Variants in PHKA1 observed in about 807,000 individuals in gnomAD.
PHKA1 encodes the protein phosphorylase b kinase regulatory subunit alpha, skeletal muscle isoform.
PHKA1 carries 60 observed loss-of-function variants against 110.2 expected under a neutral mutation model. That is an observed-to-expected ratio of 0.54 (90% CI 0.44 to 0.68). The LOEUF (loss-of-function observed/expected upper bound fraction) is 0.68. Among genes scored for constraint, PHKA1 ranks in the 30% least tolerant of loss-of-function variants. The pLI, the probability that PHKA1 is intolerant of heterozygous loss-of-function variation, is 0.00. For missense variants in PHKA1, 801 were observed against 942.5 expected (o/e 0.85, Z 1.97); for synonymous variants, 316 against 333.6 (o/e 0.95, Z 0.58).
intron 10 of PHKA1, among the ~76,000 whole-genome samples, chrX:72,654,143 A>T (rs782638292): frequency 1.5e-4 from 17 of 111,906 alleles, no homozygotes; most frequent in Admixed American, 1.0e-3. Flanking sequence ...TTAGGGAAAA[A>T]TTTGAGTATA....
At chrX:72,690,658 C>A (rs920299665) in intron 4 of PHKA1, among the ~76,000 whole-genome samples, 2 of 112,450 alleles carry the variant, frequency 1.8e-5, no homozygotes, top group Non-Finnish European at 3.8e-5. Context: ...GTTGTTTAAG[C>A]CACCTATTCT....
intron 26 of PHKA1, 95 bp from the exon 27 acceptor site, chrX:72,602,368 A>T: frequency 1.8e-6 from 1 of 545,662 alleles, no homozygotes; most frequent in South Asian, 2.6e-5. Flanking sequence ...ATATATCCTT[A>T]TTTTTAACTT....
chrX:72,584,004 C>T (rs2052376556), intron 30 of PHKA1, among the ~76,000 whole-genome samples: 1 of 112,429 alleles, frequency 8.9e-6, no homozygotes, highest in African/African-American at 3.2e-5. Flanking sequence ...CTAACCCTCA[C>T]AACGCTCACA....
Position 72,611,012 on chromosome X carries a change from C to A in PHKA1, c.2526+16G>T. The A allele has an allele frequency of 2.5e-6, 3 of 1,179,518 alleles. No homozygotes were observed. The highest frequency in any genetic ancestry group is 3.5e-6 in the Non-Finnish European group (3 of 867,684). On this transcript the variant is annotated intron_variant, in intron 22 of 31. Transcript: ENST00000373542. ...CGCTTATTTAGATTTGGTATAAATT[C>A]AAGAATTTATAGTACCTCATCAAGT...
intron 17 of PHKA1, among the ~76,000 whole-genome samples, chrX:72,626,496 A>G (rs969009718): frequency 1.4e-4 from 16 of 111,037 alleles, no homozygotes; most frequent in Non-Finnish European, 3.0e-4. Flanking sequence ...CCTTGATTCA[A>G]TCTATCAAAC....
At position 72,589,883 on chromosome X, in the gene PHKA1, C is replaced by G. The variant is rs2052492353; in HGVS notation, c.3243+3221G>C. On this transcript the variant is annotated intron_variant, in intron 29 of 31. Transcript: ENST00000373542. ...AACGTACAAGGGATGTGAAGGACCTCTTCAAGGAGAACTACAAACCACTGC... is the reference window on the plus strand; with the variant it reads ...AACGTACAAGGGATGTGAAGGACCTGTTCAAGGAGAACTACAAACCACTGC... Among the ~76,000 whole-genome samples, 5 of 110,705 alleles carry G rather than the reference C, an allele frequency of 4.5e-5. No individual in the cohort carries two copies. The Admixed American group carries it at 4.9e-4, about 11-fold the overall frequency.
At chrX:72,672,423 C>T (rs543224150) in intron 6 of PHKA1, among the ~76,000 whole-genome samples, 29 of 111,494 alleles carry the variant, frequency 2.6e-4, no homozygotes, top group African/African-American at 8.5e-4. Context: ...GGGCTTCTGG[C>T]GGGTAGAAAC....
At chrX:72,653,597 T>C (rs1254157502) in intron 10 of PHKA1, 67 bp from the exon 11 acceptor site, 56 of 719,366 alleles carry the variant, frequency 7.8e-5, no homozygotes, top group Non-Finnish European at 1.1e-4. Flanking sequence ...CAGGAGAAGG[T>C]TGCAGCCAAA....
chrX:72,676,301 G>A lies in PHKA1; in HGVS notation c.538-151C>T, dbSNP rs781936662. ...TACCCACAATGCTTATTAAGGAGAT[G>A]CTAATGTGTGGGGTGGCCCCTGCAG... is the stretch of plus-strand genomic sequence containing the variant. On this transcript the variant is annotated intron_variant, in intron 5 of 31. Coordinates refer to ENST00000373542, the MANE Select transcript of PHKA1 (RefSeq NM_002637.4). The A allele has an allele frequency of 1.3e-4, 54 of 417,037 alleles. 1 individual carries two copies. The highest frequency in any genetic ancestry group is 1.3e-3 in the Middle Eastern group (2 of 1,516). The allele number at this position is 417,037 out of a possible 1,213,427, so 34.4% of individuals were successfully genotyped here.
At chrX:72,655,100 A>T (rs1556300660) in intron 10 of PHKA1, among the ~76,000 whole-genome samples, 1 of 108,923 alleles carries the variant, frequency 9.2e-6, no homozygotes, top group African/African-American at 3.3e-5. Flanking sequence ...CCCGGCCAGC[A>T]TGGTGATTTT....
intron 31 of PHKA1, 132 bp from the exon 32 acceptor site, chrX:72,581,307 C>T: frequency 2.0e-6 from 1 of 494,628 alleles, no homozygotes; most frequent in Non-Finnish European, 3.6e-6. Flanking sequence ...ACTGTTTATC[C>T]AGGAAGAAAT....
At chrX:72,697,811 T>C (rs1448266676) in intron 3 of PHKA1, among the ~76,000 whole-genome samples, 9 of 108,770 alleles carry the variant, frequency 8.3e-5, no homozygotes, top group African/African-American at 2.3e-4. Flanking sequence ...GGTGAAACCC[T>C]GTCTCTACTA....
chrX:72,679,701 T>C (rs1163315604), intron 5 of PHKA1, among the ~76,000 whole-genome samples: 4 of 110,714 alleles, frequency 3.6e-5, no homozygotes, highest in African/African-American at 1.3e-4. Context: ...ATAAAAAGAT[T>C]AGTGAAGTCG....
intron 22 of PHKA1, 77 bp downstream of exon 22, chrX:72,610,951 T>C (rs782023352): frequency 1.2e-6 from 1 of 818,712 alleles, no homozygotes; most frequent in East Asian, 3.4e-5. Flanking sequence ...ATGGTTGTTT[T>C]AAAAAACAAT....
At chrX:72,653,352 T>C in intron 11 of PHKA1, 83 bp downstream of exon 11, 1 of 599,254 alleles carries the variant, frequency 1.7e-6, no homozygotes, top group Non-Finnish European at 2.8e-6. Context: ...AGATTAAAAA[T>C]TATTTGACTC....
chrX:72,661,993 T>C (rs1385105414), intron 8 of PHKA1, among the ~76,000 whole-genome samples: 1 of 111,058 alleles, frequency 9.0e-6, no homozygotes, highest in Non-Finnish European at 1.9e-5. Context: ...TCTCCCCTAT[T>C]GGGATTGGCT....
At chrX:72,595,957 G>T (rs1556233622) in intron 28 of PHKA1, among the ~76,000 whole-genome samples, 1 of 112,007 alleles carries the variant, frequency 8.9e-6, no homozygotes, top group Non-Finnish European at 1.9e-5. Context: ...TTATCCAAAA[G>T]AATTGAAGTC....
intron 6 of PHKA1, among the ~76,000 whole-genome samples, chrX:72,668,585 A>C (rs2053641803): frequency 8.9e-6 from 1 of 111,820 alleles, no homozygotes; most frequent in African/African-American, 3.3e-5. Flanking sequence ...TCCTCAATTA[A>C]AGGGCAGACT....
chrX:72,683,131 G>C (rs1264712126), intron 5 of PHKA1, among the ~76,000 whole-genome samples: 1 of 111,333 alleles, frequency 9.0e-6, no homozygotes, highest in Non-Finnish European at 1.9e-5. Flanking sequence ...AAAGGAGGAG[G>C]GTGGTTAGTA....
Sources: gnomAD v4.1 joint callset for allele counts (sites outside exome capture counted in the v4.1 genomes callset) on GRCh38, gnomAD v4.1.1 for gene constraint, MANE v1.5 for transcripts, NCBI Gene and HGNC (gene_info 2026-07-23, HGNC 2026-07-21) for gene names.